BTBD9: variants seen among roughly 807,000 people sequenced by gnomAD.
BTBD9 encodes BTB/POZ domain-containing protein 9.
BTBD9 carries 49 observed loss-of-function variants against 64.3 expected under a neutral mutation model. The ratio of observed to expected loss-of-function variants is 0.76; its 90% confidence interval spans 0.61 to 0.97. BTBD9 has a LOEUF of 0.97. BTBD9 is among the 50% of genes least tolerant of loss of function. The pLI, the probability that BTBD9 is intolerant of heterozygous loss-of-function variation, is 0.00. For missense variants in BTBD9, 598 were observed against 762.1 expected, an observed-to-expected ratio of 0.78 and a Z score of 2.53; for synonymous variants, 260 against 274.7, an observed-to-expected ratio of 0.95 and a Z score of 0.53.
chr6:38,587,037 T>G, intron 4 of BTBD9, among the ~76,000 whole-genome samples: 1 of 148,800 alleles, frequency 6.7e-6, no homozygotes, highest in Non-Finnish European at 1.5e-5. Context: ...CATTCCAGTG[T>G]GGGTGACAAG....
intron 8 of BTBD9, among the ~76,000 whole-genome samples, chr6:38,270,001 TGA>T (rs1765145605): frequency 6.6e-6 from 1 of 152,112 alleles, no homozygotes; most frequent in Non-Finnish European, 1.5e-5. Context: ...ACTGGATGAC[TGA>T]GAGAAGGAAA....
chr6:38,284,889 C>T (rs963174779), intron 8 of BTBD9, among the ~76,000 whole-genome samples: 4 of 150,714 alleles, frequency 2.7e-5, no homozygotes, highest in Non-Finnish European at 4.4e-5. Flanking sequence ...ATGATATCAG[C>T]ATGATCAAAG....
intron 6 of BTBD9, among the ~76,000 whole-genome samples, chr6:38,380,125 T>C (rs965207410): frequency 2.0e-5 from 3 of 152,176 alleles, no homozygotes; most frequent in Non-Finnish European, 2.9e-5. Flanking sequence ...AGTATATGCC[T>C]GTATTACTTT....
At chr6:38,420,365 T>A (rs1463956183) in intron 6 of BTBD9, among the ~76,000 whole-genome samples, 1 of 152,144 alleles carries the variant, frequency 6.6e-6, no homozygotes, top group Non-Finnish European at 1.5e-5. Context: ...CTGAGAAATG[T>A]ATTCAGCACA....
chr6:38,496,828 C>T (rs949336399), intron 6 of BTBD9, among the ~76,000 whole-genome samples: 2 of 152,126 alleles, frequency 1.3e-5, no homozygotes, highest in African/African-American at 4.8e-5. Context: ...TTGCCAAGTA[C>T]CCTATGACTT....
chr6:38,540,488 T>TA (rs1423678047), intron 6 of BTBD9, among the ~76,000 whole-genome samples: 1 of 152,214 alleles, frequency 6.6e-6, no homozygotes, highest in Non-Finnish European at 1.5e-5. Flanking sequence ...CCCAAACCTA[T>TA]AAAGCATTTA....
chr6:38,313,057 T>C (rs1762898157), intron 7 of BTBD9, among the ~76,000 whole-genome samples: 1 of 152,208 alleles, frequency 6.6e-6, no homozygotes, highest in Non-Finnish European at 1.5e-5. Flanking sequence ...TCTTTACTTT[T>C]TTTGTGTCTT....
At chr6:38,253,866 G>T (rs545451984) in intron 9 of BTBD9, among the ~76,000 whole-genome samples, 1 of 151,718 alleles carries the variant, frequency 6.6e-6, no homozygotes, top group Non-Finnish European at 1.5e-5. Flanking sequence ...AGGCAATATG[G>T]TATAGTGGCA....
intron 8 of BTBD9, among the ~76,000 whole-genome samples, chr6:38,257,748 C>T (rs1053948238): frequency 6.6e-6 from 1 of 152,070 alleles, no homozygotes; most frequent in Non-Finnish European, 1.5e-5. Flanking sequence ...ATTCCATTTA[C>T]ATGAAGCTCA....
intron 6 of BTBD9, among the ~76,000 whole-genome samples, chr6:38,359,372 G>A (rs539770189): frequency 2.0e-5 from 3 of 152,124 alleles, no homozygotes; most frequent in Non-Finnish European, 4.4e-5. Context: ...TCTAACAGAC[G>A]AGAGCATGAA....
intron 1 of BTBD9, chr6:38,613,131 T>C (rs1327195847): frequency 6.6e-6 from 1 of 152,242 alleles, no homozygotes; most frequent in Non-Finnish European, 1.5e-5. Flanking sequence ...ATTTTAGATA[T>C]ATTAGTCTTC....
intron 6 of BTBD9, among the ~76,000 whole-genome samples, chr6:38,519,059 A>G (rs564407085): frequency 3.3e-5 from 5 of 152,212 alleles, no homozygotes; most frequent in Non-Finnish European, 4.4e-5. Flanking sequence ...ACTAAATTCA[A>G]TTAGTGTAAT....
chr6:38,382,243 G>GTCCAGT (rs1417535856), intron 6 of BTBD9, among the ~76,000 whole-genome samples: 1 of 152,152 alleles, frequency 6.6e-6, no homozygotes, highest in Non-Finnish European at 1.5e-5. Flanking sequence ...TGGTGAAGGT[G>GTCCAGT]TCCAGTGCCA....
chr6:38,181,252 G>A (rs1188033230), intron 10 of BTBD9, among the ~76,000 whole-genome samples: 1 of 152,186 alleles, frequency 6.6e-6, no homozygotes, highest in Non-Finnish European at 1.5e-5. Flanking sequence ...TGCTTTCCTG[G>A]TTCCTCCTGA....
chr6:38,580,406 A>G lies in BTBD9; in HGVS notation c.846T>C (p.Tyr282=). Residue 282 remains tyrosine, a synonymous_variant, in exon 5 of 11, where the codon TAT becomes TAC. Coordinates refer to ENST00000481247, the MANE Select transcript of BTBD9 (RefSeq NM_001099272.2). The part of the protein sequence containing the change: ...IPEENIATMK[Y]GAQVVKGELK... ...GCTCCCCCTTTACAACTTGGGCTCC[A>G]TACTTCATAGTTGCAATGTTTTCTT... The G allele has an allele frequency of 6.2e-7, 1 of 1,614,214 alleles. No homozygotes were observed. The highest frequency in any genetic ancestry group is 2.2e-5 in the East Asian group (1 of 44,886).
chr6:38,323,536 T>C (rs2127577297), intron 7 of BTBD9, among the ~76,000 whole-genome samples: 1 of 152,314 alleles, frequency 6.6e-6, no homozygotes, highest in South Asian at 2.1e-4. Flanking sequence ...ATACAACTTA[T>C]ACATCATATG....
chr6:38,393,140 C>G (rs1363424933), intron 6 of BTBD9, among the ~76,000 whole-genome samples: 1 of 152,082 alleles, frequency 6.6e-6, no homozygotes, highest in African/African-American at 2.4e-5. Flanking sequence ...GTGATCCGTC[C>G]GCCTTAGCCT....
chr6:38,439,674 T>G lies in BTBD9; in HGVS notation c.1155-94581A>C, dbSNP rs375871626. ...ACTCCTGACCTCAAATGATCCGCCC[T>G]CCTCAGCCTCCCAAAGTGCTGAGAT... On this transcript the variant is annotated intron_variant, in intron 6 of 10. Transcript: ENST00000481247. 9.4e-4 allele frequency among the ~76,000 whole-genome samples: 142 copies of G among 151,606 alleles called. 2 individuals are homozygous for G. In the South Asian group the frequency reaches 0.018, roughly 20 times the overall value.
At chr6:38,427,202 A>C (rs1768204972) in intron 6 of BTBD9, among the ~76,000 whole-genome samples, 1 of 150,838 alleles carries the variant, frequency 6.6e-6, no homozygotes, top group African/African-American at 2.4e-5. Context: ...AAAAAAGCTG[A>C]TGCCATGCTG....
Sources: gnomAD v4.1 joint callset for allele counts (sites outside exome capture counted in the v4.1 genomes callset) on GRCh38, gnomAD v4.1.1 for gene constraint, MANE v1.5 for transcripts, NCBI Gene and HGNC (gene_info 2026-07-23, HGNC 2026-07-21) for gene names.